NUP205: variants seen among roughly 807,000 people sequenced by gnomAD.
NUP205 encodes nucleoporin 205, also known as nuclear pore complex protein Nup205.
A neutral mutation model predicts 253.8 loss-of-function variants in NUP205; 76 were observed. The ratio of observed to expected loss-of-function variants is 0.30; its 90% CI spans 0.25 to 0.36. The LOEUF is 0.36. Ranked by LOEUF, NUP205 falls within the 10% of genes least tolerant of loss-of-function variation. NUP205 has a pLI of 1.00. For synonymous variants in NUP205, 832 were observed against 850.1 expected (o/e 0.98, Z 0.37); for missense variants, 2,162 against 2,425.5 (o/e 0.89, Z 2.28).
At chr7:135,635,481 C>T in intron 35 of NUP205, 100 bp from the exon 36 acceptor site, 1 of 658,746 alleles carries the variant, frequency 1.5e-6, no homozygotes, top group Non-Finnish European at 2.5e-6. Context: ...AATATCTGTT[C>T]ATGCACATAA....
At position 135,636,663 on chromosome 7, in the gene NUP205, TG is replaced by T. The variant is rs562198141; in HGVS notation, c.5136+1008del. Among the ~76,000 whole-genome samples the T allele has an allele frequency of 1.5e-3, 235 of 152,316 alleles. 2 individuals carry two copies. The highest frequency in any genetic ancestry group is 5.4e-3 in the African/African-American group (226 of 41,580). On this transcript the variant is annotated intron_variant, in intron 36 of 42. Transcript: ENST00000285968. ...ATGTTAAACATAGATAGAACTATTTTGGCAAAATAAGTTTATATTATAGTCT... is the reference window on the plus strand; with the variant it reads ...ATGTTAAACATAGATAGAACTATTTTGCAAAATAAGTTTATATTATAGTCT...
intron 6 of NUP205, 107 bp from the exon 7 acceptor site, chr7:135,578,644 C>A (rs73725143): frequency 0.035 from 26,167 of 738,564 alleles, 548 homozygotes; most frequent in Middle Eastern, 0.076. Flanking sequence ...GGTCATTATT[C>A]TTCTGTGAGA....
At chr7:135,581,807 C>G (rs951368490) in intron 7 of NUP205, among the ~76,000 whole-genome samples, 3 of 148,218 alleles carry the variant, frequency 2.0e-5, no homozygotes, top group African/African-American at 7.5e-5. Flanking sequence ...GAGCTGAGAT[C>G]ATGCCACTGC....
intron 31 of NUP205, among the ~76,000 whole-genome samples, chr7:135,624,367 A>AATTTTT (rs780893883): frequency 6.9e-6 from 1 of 144,056 alleles, no homozygotes; most frequent in Non-Finnish European, 1.5e-5. Context: ...ATGCTGGGGT[A>AATTTTT]ATTTTTATTT....
At chr7:135,645,829 T>A in intron 41 of NUP205, 1 of 577,750 alleles carries the variant, frequency 1.7e-6, no homozygotes, top group African/African-American at 1.9e-5. Context: ...CTTAGCTTCT[T>A]GCTGCAGTTA....
intron 2 of NUP205, among the ~76,000 whole-genome samples, 175 bp from the exon 3 acceptor site, chr7:135,573,479 T>A (rs1453576854): frequency 6.6e-6 from 1 of 152,172 alleles, no homozygotes; most frequent in Non-Finnish European, 1.5e-5. Flanking sequence ...ATAAAAAGTT[T>A]AAGGTTATGC....
intron 1 of NUP205, among the ~76,000 whole-genome samples, chr7:135,567,425 CAAAAAAAA>C (rs760535798): frequency 6.2e-5 from 4 of 65,024 alleles, no homozygotes; most frequent in Non-Finnish European, 1.1e-4. Context: ...CTGTCTATAC[CAAAAAAAA>C]AAAAAAAAAA....
intron 14 of NUP205, 122 bp from the exon 15 acceptor site, chr7:135,597,876 G>A: frequency 1.3e-6 from 1 of 774,718 alleles, no homozygotes. Flanking sequence ...ATGAAAAACA[G>A]AAATATCTGT....
rs77475238 is a variant in NUP205 at position 135,566,473 on chromosome 7, T to G, written c.29-4632T>G. Among the ~76,000 whole-genome samples the G allele has an allele frequency of 2.8e-3, 428 of 152,290 alleles. 8 individuals are homozygous for G. In the East Asian group the frequency reaches 0.05, roughly 18 times the overall value. ...CAACACATCCTTCATGCTAGAAATT[T>G]ATATGTCGAGCTATATTTTTAATCA... On this transcript the variant is annotated intron_variant, in intron 1 of 42. Coordinates refer to ENST00000285968, the MANE Select transcript of NUP205 (RefSeq NM_015135.3).
chr7:135,581,015 C>A (rs576630022), intron 7 of NUP205, among the ~76,000 whole-genome samples: 13 of 151,942 alleles, frequency 8.6e-5, no homozygotes, highest in Non-Finnish European at 1.8e-4. Flanking sequence ...CTTTTATAAG[C>A]TTTAATAGTT....
chr7:135,574,133 C>A (rs985359960), intron 3 of NUP205, among the ~76,000 whole-genome samples: 1 of 152,038 alleles, frequency 6.6e-6, no homozygotes, highest in African/African-American at 2.4e-5. Context: ...CCACCATGCC[C>A]GGCTATCCTT....
chr7:135,563,618 A>G (rs965934493), intron 1 of NUP205, among the ~76,000 whole-genome samples: 26 of 152,318 alleles, frequency 1.7e-4, no homozygotes, highest in Middle Eastern at 3.4e-3. Flanking sequence ...ATTAAGGAAA[A>G]TAAATGTATT....
chr7:135,575,867 C>A (rs991831679), intron 3 of NUP205, among the ~76,000 whole-genome samples: 3 of 152,098 alleles, frequency 2.0e-5, no homozygotes, highest in Non-Finnish European at 4.4e-5. Context: ...GTTGTTTATT[C>A]AGAGAAGATT....
At chr7:135,570,575 G>C (rs1022587961) in intron 1 of NUP205, among the ~76,000 whole-genome samples, 1 of 147,682 alleles carries the variant, frequency 6.8e-6, no homozygotes, top group Non-Finnish European at 1.5e-5. Context: ...CATTGCTTGA[G>C]AATTTTAATA....
intron 13 of NUP205, among the ~76,000 whole-genome samples, chr7:135,596,925 C>T (rs564026848): frequency 5.0e-4 from 76 of 150,552 alleles, no homozygotes; most frequent in African/African-American, 1.7e-3. Context: ...CCACTGTACT[C>T]CAGCTTGGCC....
intron 2 of NUP205, among the ~76,000 whole-genome samples, chr7:135,571,709 C>G (rs375728991): frequency 2.0e-5 from 3 of 152,010 alleles, no homozygotes; most frequent in Admixed American, 6.6e-5. Flanking sequence ...CCATTGTTTT[C>G]CAAACAATCC....
chr7:135,570,220 A>T lies in NUP205; in HGVS notation c.29-885A>T, dbSNP rs546845773. ...TATTTTATTTATTTATTTAATTTTT[A>T]AATTTTTTTTGAGATGGGGTTTTGA... On this transcript the variant is annotated intron_variant, in intron 1 of 42. Coordinates refer to ENST00000285968, the MANE Select transcript of NUP205 (RefSeq NM_015135.3). Among the ~76,000 whole-genome samples the T allele has an allele frequency of 1.2e-4, 18 of 151,860 alleles. 2 individuals carry two copies. The South Asian group carries it at 2.7e-3, about 23-fold the overall frequency.
At chr7:135,598,441 A>AT (rs1793894344) in intron 15 of NUP205, among the ~76,000 whole-genome samples, 1 of 152,234 alleles carries the variant, frequency 6.6e-6, no homozygotes, top group Non-Finnish European at 1.5e-5. Context: ...AGGAGTTCAT[A>AT]TTTCATATCC....
In NUP205 at chr7:135,648,163, C is replaced by T. The variant is rs1013049186; in HGVS notation, c.5887-241C>T. Among the ~76,000 whole-genome samples the T allele has an allele frequency of 2.6e-4, 40 of 152,052 alleles. 1 individual carries two copies. Among genetic ancestry groups the T allele is most frequent in the African/African-American group, 8.9e-4 (37 of 41,440 alleles). ...CATCAACATTCATTGCTATTTAAAG[C>T]AGGTTTTTAAATTTATACAAGAAAA... On this transcript the variant is annotated intron_variant, in intron 42 of 42. Coordinates refer to ENST00000285968, the MANE Select transcript of NUP205 (RefSeq NM_015135.3).
Sources: allele counts gnomAD v4.1 joint callset (sites outside exome capture counted in the v4.1 genomes callset), GRCh38; gene constraint gnomAD v4.1.1; transcripts MANE v1.5; gene names NCBI Gene and HGNC (gene_info 2026-07-23, HGNC 2026-07-21).